The following RBFOX1 variants were observed in gnomAD, a reference collection of about 807,000 sequenced individuals.
RBFOX1 encodes the protein RNA binding protein fox-1 homolog 1.
RBFOX1 carries 8 observed loss-of-function variants against 57.7 expected under a neutral mutation model. The observed-to-expected ratio is 0.14, with a 90% CI of 0.08 to 0.25. The LOEUF (loss-of-function observed/expected upper bound fraction) is 0.25. RBFOX1 is among the 10% of genes least tolerant of loss of function. The pLI is 1.00. For synonymous variants in RBFOX1, 326 were observed against 222.4 expected (o/e 1.47, Z -4.15); for missense variants, 611 against 548.5 (o/e 1.11, Z -1.14).
chr16:5,707,105 G>C (rs1362569066), intron 3 of RBFOX1, among the ~76,000 whole-genome samples: 1 of 152,116 alleles, frequency 6.6e-6, no homozygotes, highest in Non-Finnish European at 1.5e-5. Flanking sequence ...GCCAAGTCAG[G>C]ATTTGGATTT....
At chr16:7,215,980 C>T (rs1461352866) in intron 4 of RBFOX1, among the ~76,000 whole-genome samples, 1 of 152,164 alleles carries the variant, frequency 6.6e-6, no homozygotes, top group African/African-American at 2.4e-5. Context: ...GCCTCGGCCT[C>T]CCAAAGTGCT....
At chr16:5,557,099 A>C (rs2151096811) in intron 2 of RBFOX1, among the ~76,000 whole-genome samples, 1 of 151,532 alleles carries the variant, frequency 6.6e-6, no homozygotes, top group East Asian at 2.0e-4. Flanking sequence ...CTCTACCAAG[A>C]ATACAAAAAA....
intron 4 of RBFOX1, among the ~76,000 whole-genome samples, chr16:7,157,674 C>CGCCATA (rs2077431364): frequency 6.6e-6 from 1 of 152,156 alleles, no homozygotes; most frequent in African/African-American, 2.4e-5. Context: ...TATCTCTACA[C>CGCCATA]GCCATAGCCA....
chr16:6,118,224 C>G (rs74004777), intron 1 of RBFOX1, among the ~76,000 whole-genome samples: 2,834 of 152,240 alleles, frequency 0.019, 80 homozygotes, highest in African/African-American at 0.062. Flanking sequence ...TTCTTTTACT[C>G]TTTTTCTCTT....
chr16:6,436,661 G>T (rs1198574541), intron 2 of RBFOX1, among the ~76,000 whole-genome samples: 1 of 151,820 alleles, frequency 6.6e-6, no homozygotes, highest in East Asian at 1.9e-4. Flanking sequence ...ATTTGTTGAT[G>T]ATTTTTCTGT....
intron 2 of RBFOX1, among the ~76,000 whole-genome samples, chr16:6,372,991 G>C (rs2090670907): frequency 6.6e-6 from 1 of 151,972 alleles, no homozygotes; most frequent in Non-Finnish European, 1.5e-5. Context: ...GAGGGTGGTT[G>C]GTAAGGATCT....
chr16:7,220,464 A>T (rs770117783), intron 4 of RBFOX1, among the ~76,000 whole-genome samples: 26 of 152,288 alleles, frequency 1.7e-4, no homozygotes, highest in Non-Finnish European at 3.2e-4. Context: ...CAGTGTGTTG[A>T]CACCAACATG....
chr16:6,787,997 G>T (rs1330437470), intron 3 of RBFOX1, among the ~76,000 whole-genome samples: 37 of 151,970 alleles, frequency 2.4e-4, no homozygotes, highest in African/African-American at 8.7e-4. Context: ...CCGAGGTGGG[G>T]GGACCGCTTG....
chr16:7,274,733 G>C (rs375084468), intron 4 of RBFOX1, among the ~76,000 whole-genome samples: 21 of 151,890 alleles, frequency 1.4e-4, no homozygotes, highest in Non-Finnish European at 2.1e-4. Flanking sequence ...CACCCAAGCT[G>C]CAGTGCAGTA....
At chr16:7,666,149 G>T (rs2069184479) in intron 13 of RBFOX1, among the ~76,000 whole-genome samples, 1 of 152,094 alleles carries the variant, frequency 6.6e-6, no homozygotes, top group Non-Finnish European at 1.5e-5. Context: ...GAGGCAGGCT[G>T]GGGCTGAGCA....
At chr16:7,355,436 T>C (rs1025175709) in intron 4 of RBFOX1, among the ~76,000 whole-genome samples, 1 of 152,150 alleles carries the variant, frequency 6.6e-6, no homozygotes, top group Non-Finnish European at 1.5e-5. Context: ...CCAGAGACAA[T>C]ACCTGCTAAC....
At chr16:5,679,716 A>G (rs753836832) in intron 3 of RBFOX1, among the ~76,000 whole-genome samples, 2 of 152,242 alleles carry the variant, frequency 1.3e-5, no homozygotes, top group Non-Finnish European at 2.9e-5. Context: ...TATGGTGATT[A>G]AAATAATGGG....
At chr16:7,282,775 C>A (rs966216835) in intron 4 of RBFOX1, among the ~76,000 whole-genome samples, 1 of 152,180 alleles carries the variant, frequency 6.6e-6, no homozygotes, top group Non-Finnish European at 1.5e-5. Flanking sequence ...CTGTGTCATT[C>A]TTATGCCTTT....
At chr16:7,632,064 C>T (rs1337546323) in intron 11 of RBFOX1, among the ~76,000 whole-genome samples, 1 of 152,042 alleles carries the variant, frequency 6.6e-6, no homozygotes, top group Admixed American at 6.6e-5. Context: ...TATGTACCAC[C>T]ACTCCCACTG....
At chr16:5,468,610 A>C (rs929296666) in intron 2 of RBFOX1, among the ~76,000 whole-genome samples, 1 of 152,256 alleles carries the variant, frequency 6.6e-6, no homozygotes, top group Non-Finnish European at 1.5e-5. Context: ...ACACGACTTC[A>C]CAGTGACATT....
At chr16:6,787,495 A>G (rs1253942703) in intron 3 of RBFOX1, among the ~76,000 whole-genome samples, 1 of 152,140 alleles carries the variant, frequency 6.6e-6, no homozygotes, top group Non-Finnish European at 1.5e-5. Context: ...GTTAAGTTGA[A>G]GTTGTGTGAC....
rs1188958646 is a variant in RBFOX1 at position 7,708,200 on chromosome 16, C to T, written c.996-856C>T. Among the ~76,000 whole-genome samples, 3 of 152,038 alleles carry T rather than the reference C, an allele frequency of 2.0e-5. No individual in the cohort carries two copies. In the East Asian group the frequency reaches 5.8e-4, roughly 29 times the overall value. On this transcript the variant is annotated intron_variant, in intron 14 of 15. Transcript: ENST00000550418. The stretch of plus-strand genomic sequence containing the variant: ...CCCTCATAAAAAATCAAGATCTGCC[C>T]TGTCTAGTTATGCGACCTTGAGCAA...
At chr16:5,990,054 T>C (rs979509066) in intron 4 of RBFOX1, among the ~76,000 whole-genome samples, 1 of 152,126 alleles carries the variant, frequency 6.6e-6, no homozygotes, top group Non-Finnish European at 1.5e-5. Flanking sequence ...GGCGCTATCA[T>C]GGTTCACTGC....
chr16:7,707,199 G>A (rs563525974), intron 14 of RBFOX1, among the ~76,000 whole-genome samples: 1 of 152,302 alleles, frequency 6.6e-6, no homozygotes, highest in South Asian at 2.1e-4. Flanking sequence ...AGATGGGCTT[G>A]AGAGTTGGAA....
Sources: gnomAD v4.1 joint callset for allele counts (sites outside exome capture counted in the v4.1 genomes callset) on GRCh38, gnomAD v4.1.1 for gene constraint, MANE v1.5 for transcripts, NCBI Gene and HGNC (gene_info 2026-07-23, HGNC 2026-07-21) for gene names.